MAP3K10: variants seen among roughly 807,000 people sequenced by gnomAD.
MAP3K10 encodes the protein mitogen-activated protein kinase kinase kinase 10.
MAP3K10 carries 22 observed loss-of-function variants against 75.0 expected under a neutral mutation model. The ratio of observed to expected loss-of-function variants is 0.29; its 90% CI spans 0.21 to 0.42. MAP3K10 has a LOEUF of 0.42. Among genes scored for constraint, MAP3K10 ranks in the 10% least tolerant of loss-of-function variants. The pLI, the probability that MAP3K10 is intolerant of heterozygous loss-of-function variation, is 1.00. For synonymous variants in MAP3K10, 599 were observed against 612.9 expected (o/e 0.98, Z 0.34); for missense variants, 1,165 against 1,379.8 (o/e 0.84, Z 2.47).
At chr19:40,200,623 T>TC (rs1352470280) in intron 2 of MAP3K10, among the ~76,000 whole-genome samples, 4 of 146,826 alleles carry the variant, frequency 2.7e-5, no homozygotes, top group Non-Finnish European at 6.0e-5. Flanking sequence ...TTTTTTTTTT[T>TC]TTTTTTTTTT....
Position 40,212,518 on chromosome 19 carries a change from C to T in MAP3K10, c.1553-287C>T, listed in dbSNP as rs1312182079. 6.6e-6 allele frequency among the ~76,000 whole-genome samples: 1 copy of T among 152,190 alleles called. No homozygotes were observed. Among genetic ancestry groups the T allele is most frequent in the Admixed American group, 6.5e-5 (1 of 15,282 alleles). ...GCTGGAGACCAGAAGCGCAGGCAGC[C>T]CGCCAGAATGAATGGTGAAGGGTTA... On this transcript the variant is annotated intron_variant, in intron 6 of 9. Transcript: ENST00000253055. The surrounding 1 kb of genome is among the most constrained non-coding windows in gnomAD (Gnocchi z 4.2).
intron 2 of MAP3K10, among the ~76,000 whole-genome samples, chr19:40,199,466 A>G (rs1298162900): frequency 1.3e-5 from 2 of 152,196 alleles, no homozygotes; most frequent in Non-Finnish European, 2.9e-5. Context: ...ACTTCATCTG[A>G]GTTCCAAGTG....
chr19:40,212,801 C>T lies in MAP3K10; in HGVS notation c.1553-4C>T. ...CAGTAACCAAGTGGCTTCTCTGGAC[C>T]CAGTGACTCCCGTGGACTGTGGTGG... is the stretch of plus-strand genomic sequence containing the variant. On this transcript the variant is annotated splice_polypyrimidine_tract_variant and splice_region_variant and intron_variant, in intron 6 of 9. Transcript: ENST00000253055. The surrounding 1 kb of genome is among the most constrained non-coding windows in gnomAD (Gnocchi z 4.2). 1 of 1,583,440 alleles carries T rather than the reference C, an allele frequency of 6.3e-7. No individual in the cohort carries two copies. The highest frequency in any genetic ancestry group is 8.6e-7 in the Non-Finnish European group (1 of 1,166,090).
chr19:40,204,812 G>A lies in MAP3K10; in HGVS notation c.1012+179G>A. 1 of 770,330 alleles carries A rather than the reference G, an allele frequency of 1.3e-6. No homozygotes were observed. The highest frequency in any genetic ancestry group is 1.8e-5 in the African/African-American group (1 of 57,118). 47.7% of individuals were successfully genotyped at this position (770,330 alleles called of 1,614,324 possible). A position where few individuals can be genotyped will look rare whatever the true frequency, so the allele number is the denominator to read the frequency against. ...GGTTGGCTCCATCCCCCACATCCCA[G>A]CCCTTGTTTGGGCCAGGCCCAGAGC... On this transcript the variant is annotated intron_variant, in intron 3 of 9. Coordinates refer to ENST00000253055, the MANE Select transcript of MAP3K10 (RefSeq NM_002446.4). The surrounding 1 kb of genome is among the most constrained non-coding windows in gnomAD (Gnocchi z 4.3).
chr19:40,206,297 G>A, intron 5 of MAP3K10, 140 bp downstream of exon 5: 1 of 1,062,930 alleles, frequency 9.4e-7, no homozygotes, highest in Non-Finnish European at 1.3e-6. Flanking sequence ...GCCCAGTGCA[G>A]TGGCGAGCAC....
In MAP3K10 at chr19:40,205,168, T is replaced by A. The variant is rs769185410; in HGVS notation, c.1060T>A (p.Leu354Met). 1.9e-6 allele frequency: 3 copies of A among 1,613,882 alleles called. No individual in the cohort carries two copies. The Admixed American group carries it at 5.0e-5, about 27-fold the overall frequency. The change falls in exon 4 of 10, where the codon TTG becomes ATG. Residue 354 changes from leucine to methionine, a missense_variant. By Grantham distance (15) the Leu-to-Met change is conservative. Around this residue, in one of 2 missense-constraint regions of MAP3K10, gnomAD observed 575 missense variants for 793.2 expected, o/e 0.72. Transcript: ENST00000253055. This position sits in a 1 kb window ranked among gnomAD's most constrained non-coding sequence, Gnocchi z 4.3. ...CGGGCGGCCAGATTTCGGTAGCATC[T>A]TGAAGCGGCTTGAAGTCATCGAACA... is the stretch of plus-strand genomic sequence containing the variant. ...PHGRPDFGSI[L>M]KRLEVIEQSA...
intron 2 of MAP3K10, among the ~76,000 whole-genome samples, chr19:40,203,719 G>A (rs772713508): frequency 2.4e-4 from 36 of 152,248 alleles, no homozygotes; most frequent in Non-Finnish European, 4.3e-4. Flanking sequence ...CTGGCCTGCA[G>A]TAAGTGCTTT....
rs186767889 is a variant in MAP3K10, at chr19:40,208,488, G to A, written c.1436-615G>A. Reference sequence around the variant, plus strand: ...TGGGATTACAGACATGAGCCACCGCGCCCAGCCCCCATACCTGTTTTTAAA... The same window carrying A: ...TGGGATTACAGACATGAGCCACCGCACCCAGCCCCCATACCTGTTTTTAAA... On this transcript the variant is annotated intron_variant, in intron 5 of 9. Coordinates refer to ENST00000253055, the MANE Select transcript of MAP3K10 (RefSeq NM_002446.4). Among the ~76,000 whole-genome samples the A allele has an allele frequency of 8.8e-3, 1,309 of 148,232 alleles. 23 individuals carry two copies. Among genetic ancestry groups the A allele is most frequent in the African/African-American group, 0.03 (1,235 of 40,696 alleles).
At chr19:40,193,674 G>GA (rs556451885) in intron 1 of MAP3K10, among the ~76,000 whole-genome samples, 29 of 150,424 alleles carry the variant, frequency 1.9e-4, no homozygotes, top group South Asian at 1.9e-3. Flanking sequence ...GATACAGCAA[G>GA]AAAAAAAAAA....
chr19:40,198,551 T>G lies in MAP3K10; in HGVS notation c.859T>G (p.Trp287Gly). 1 of 1,609,114 alleles carries G rather than the reference T, an allele frequency of 6.2e-7. No individual in the cohort carries two copies. The highest frequency in any genetic ancestry group is 8.5e-7 in the Non-Finnish European group (1 of 1,176,490). Residue 287 changes from tryptophan to glycine, a missense_variant, in exon 2 of 10, where the codon TGG (tryptophan) becomes GGG (glycine). Trp to Gly is a radical substitution (Grantham distance 184, BLOSUM62 -2). This residue lies in a region of MAP3K10 where 575 missense variants were observed against 793.2 expected (regional missense o/e 0.72). Transcript: ENST00000253055. This position sits in a 1 kb window ranked among gnomAD's most constrained non-coding sequence, Gnocchi z 4.3. ...LSLFSKSSDVWSFGVLLWELL... is the reference protein window; with the variant it reads ...LSLFSKSSDVGSFGVLLWELL... ...CCTCTTCTCCAAAAGCAGTGATGTC[T>G]GGAGGTGCTGAAAGGCGCGGCCGGG...
chr19:40,209,320 A>C, intron 6 of MAP3K10, 101 bp downstream of exon 6: 1 of 824,314 alleles, frequency 1.2e-6, no homozygotes, highest in Non-Finnish European at 2.0e-6. Flanking sequence ...ACAGCAAGAA[A>C]GAAGACAGAC....
In MAP3K10 at chr19:40,205,473, C is replaced by T; in HGVS notation, c.1188+177C>T. 1 of 641,366 alleles carries T rather than the reference C, an allele frequency of 1.6e-6. No homozygotes were observed. The highest frequency in any genetic ancestry group is 2.7e-6 in the Non-Finnish European group (1 of 375,062). 39.7% of individuals were successfully genotyped at this position (641,366 alleles called of 1,614,324 possible). On this transcript the variant is annotated intron_variant, in intron 4 of 9. Coordinates refer to ENST00000253055, the MANE Select transcript of MAP3K10 (RefSeq NM_002446.4). This position sits in a 1 kb window ranked among gnomAD's most constrained non-coding sequence, Gnocchi z 4.3. ...TGTTGGTGGATTAATAAGAAAAAGGCACCCTGTACTGAAGTACTTACAGGT... is the reference window on the plus strand; with the variant it reads ...TGTTGGTGGATTAATAAGAAAAAGGTACCCTGTACTGAAGTACTTACAGGT...
In MAP3K10 at chr19:40,198,457, G is replaced by T; in HGVS notation, c.765G>T (p.Trp255Cys). Reference sequence around the variant, plus strand: ...CGGACTTCGGCCTCGCCCGCGAGTGGCACAAGACCACCAAGATGAGCGCTG... The same window carrying T: ...CGGACTTCGGCCTCGCCCGCGAGTGTCACAAGACCACCAAGATGAGCGCTG... ...KITDFGLARE[W>C]HKTTKMSAAG... The change falls in exon 2 of 10, where the codon TGG becomes TGT. Residue 255 changes from tryptophan to cysteine, a missense_variant. Trp to Cys is a radical substitution (Grantham distance 215). Transcript: ENST00000253055. The surrounding 1 kb of genome is among the most constrained non-coding windows in gnomAD (Gnocchi z 4.3). The T allele has an allele frequency of 1.2e-6, 2 of 1,614,164 alleles. No individual in the cohort carries two copies. Among genetic ancestry groups the T allele is most frequent in the Non-Finnish European group, 1.7e-6 (2 of 1,180,038 alleles).
At position 40,212,453 on chromosome 19, in the gene MAP3K10, A is replaced by G. The variant is rs111496656; in HGVS notation, c.1553-352A>G. On this transcript the variant is annotated intron_variant, in intron 6 of 9. Coordinates refer to ENST00000253055, the MANE Select transcript of MAP3K10 (RefSeq NM_002446.4). This position sits in a 1 kb window ranked among gnomAD's most constrained non-coding sequence, Gnocchi z 4.2. ...TAGGTCCAGAGCATTGCAGGTACAG[A>G]GATGAAGGCAGCTGACCCCCAGGGA... Among the ~76,000 whole-genome samples the G allele has an allele frequency of 2.6e-5, 4 of 152,016 alleles. No individual in the cohort carries two copies. Among genetic ancestry groups the G allele is most frequent in the East Asian group, 1.9e-4 (1 of 5,202 alleles).
At chr19:40,194,647 CAG>C (rs1272573304) in intron 1 of MAP3K10, among the ~76,000 whole-genome samples, 2 of 152,206 alleles carry the variant, frequency 1.3e-5, no homozygotes, top group African/African-American at 4.8e-5. Flanking sequence ...GTGCCAGAAA[CAG>C]AGGACACAGC....
chr19:40,213,778 A>G lies in MAP3K10; in HGVS notation c.2099A>G (p.Glu700Gly). Reference sequence around the variant, plus strand: ...GCCGAGGCGCGCGCGGCCGACGGTGAGGAGCAGCGGCGCTGGCTCGACGGC... The same window carrying G: ...GCCGAGGCGCGCGCGGCCGACGGTGGGGAGCAGCGGCGCTGGCTCGACGGC... ...DVAEARAADGEEQRRWLDGLF... is the reference protein window; with the variant it reads ...DVAEARAADGGEQRRWLDGLF... Residue 700 changes from glutamate to glycine, a missense_variant, in exon 9 of 10, where the codon GAG (glutamate) becomes GGG (glycine). Glu to Gly is a moderately conservative substitution (Grantham distance 98). This residue lies in a region of MAP3K10 where 590 missense variants were observed against 586.6 expected (regional missense o/e 1.01). Transcript: ENST00000253055. The surrounding 1 kb of genome is among the most constrained non-coding windows in gnomAD (Gnocchi z 5.7). 1.7e-6 allele frequency: 2 copies of G among 1,197,376 alleles called. No individual in the cohort carries two copies. The highest frequency in any genetic ancestry group is 2.1e-6 in the Non-Finnish European group (2 of 960,936). The allele number at this position is 1,197,376 out of a possible 1,614,324, so 74.2% of individuals were successfully genotyped here. A position where few individuals can be genotyped will look rare whatever the true frequency, so the allele number is the denominator to read the frequency against.
intron 2 of MAP3K10, among the ~76,000 whole-genome samples, chr19:40,202,098 T>G (rs1489717596): frequency 6.6e-6 from 1 of 152,176 alleles, no homozygotes; most frequent in Non-Finnish European, 1.5e-5. Flanking sequence ...TGGAGTTCAG[T>G]GGCACGATCT....
chr19:40,209,168 G>A lies in MAP3K10; in HGVS notation c.1501G>A (p.Ala501Thr), dbSNP rs755750018. The A allele has an allele frequency of 2.6e-5, 42 of 1,614,182 alleles. No homozygotes were observed. Among genetic ancestry groups the A allele is most frequent in the Non-Finnish European group, 3.5e-5 (41 of 1,180,014 alleles). The change falls in exon 6 of 10, where the codon GCC becomes ACC. Residue 501 changes from alanine (A) to threonine (T), a missense_variant. By Grantham distance (58) the Ala-to-Thr change is moderately conservative. Coordinates refer to ENST00000253055, the MANE Select transcript of MAP3K10 (RefSeq NM_002446.4). ...TLDKRKGSDG[A>T]SPPASPSIIP... ...GGATAAGCGGAAAGGATCCGATGGG[G>A]CCAGCCCCCCTGCAAGCCCCAGCAT...
intron 6 of MAP3K10, among the ~76,000 whole-genome samples, chr19:40,211,027 C>T (rs928384311): frequency 1.3e-5 from 2 of 152,194 alleles, no homozygotes; most frequent in African/African-American, 4.8e-5. Flanking sequence ...TAAAATTACC[C>T]ATCACAGAAG....
Sources: allele counts gnomAD v4.1 joint callset (sites outside exome capture counted in the v4.1 genomes callset), GRCh38; gene constraint gnomAD v4.1.1; regional missense constraint gnomAD v4.1.1; non-coding constraint Gnocchi (gnomAD v3.1); transcripts MANE v1.5; gene names NCBI Gene and HGNC (gene_info 2026-07-23, HGNC 2026-07-21).